The following CCBE1 variants were observed in gnomAD, a reference collection of about 807,000 sequenced individuals.
CCBE1 encodes collagen and calcium-binding EGF domain-containing protein 1.
A neutral mutation model predicts 50.0 loss-of-function variants in CCBE1; 37 were observed. The observed-to-expected ratio is 0.74, with a 90% CI of 0.57 to 0.97. The LOEUF (loss-of-function observed/expected upper bound fraction) is 0.97. CCBE1 is among the 50% of genes least tolerant of loss of function. The pLI is 0.00. For synonymous variants in CCBE1, 234 were observed against 203.7 expected (o/e 1.15, Z -1.27); for missense variants, 538 against 523.8 (o/e 1.03, Z -0.26).
intron 2 of CCBE1, among the ~76,000 whole-genome samples, chr18:59,577,843 A>C (rs562968987): frequency 7.9e-5 from 12 of 152,348 alleles, no homozygotes; most frequent in African/African-American, 2.9e-4. Flanking sequence ...CATAAGGCCC[A>C]AAACCATAAA....
intron 2 of CCBE1, among the ~76,000 whole-genome samples, chr18:59,693,622 C>T (rs955281202): frequency 3.9e-5 from 6 of 152,180 alleles, no homozygotes; most frequent in Non-Finnish European, 1.5e-5. Context: ...TACACCATTG[C>T]TTATTGCTCA....
At chr18:59,461,957 C>A (rs1911504484) in intron 5 of CCBE1, among the ~76,000 whole-genome samples, 3 of 152,102 alleles carry the variant, frequency 2.0e-5, no homozygotes. Flanking sequence ...TGGTCTTGAA[C>A]TTCTGACCTC....
chr18:59,543,390 C>G (rs867636899), intron 2 of CCBE1, among the ~76,000 whole-genome samples: 1 of 152,110 alleles, frequency 6.6e-6, no homozygotes, highest in Non-Finnish European at 1.5e-5. Flanking sequence ...CAGAAAAAGA[C>G]TTAAAATTTT....
chr18:59,435,721 T>C lies in CCBE1; in HGVS notation c.*187A>G. The C allele has an allele frequency of 1.5e-6, 1 of 666,952 alleles. No individual in the cohort carries two copies. Among genetic ancestry groups the C allele is most frequent in the East Asian group, 2.6e-5 (1 of 38,958 alleles). The allele number at this position is 666,952 out of a possible 1,614,324, so 41.3% of individuals were successfully genotyped here. On this transcript the variant is annotated 3_prime_UTR_variant, in exon 11 of 11. Transcript: ENST00000439986. ...AATCAATCATTCACTCCCTCATGTC[T>C]GCAGGCCTAGGAGGGGACTCTGAAA... is the stretch of plus-strand genomic sequence containing the variant.
At chr18:59,576,450 A>G (rs190732382) in intron 2 of CCBE1, among the ~76,000 whole-genome samples, 48 of 152,338 alleles carry the variant, frequency 3.2e-4, no homozygotes, top group African/African-American at 1.1e-3. Context: ...TTTTGTCAAT[A>G]AACAGCTTTA....
At chr18:59,509,709 G>A (rs1914046175) in intron 2 of CCBE1, among the ~76,000 whole-genome samples, 1 of 152,168 alleles carries the variant, frequency 6.6e-6, no homozygotes, top group Non-Finnish European at 1.5e-5. Flanking sequence ...TCTTCATACA[G>A]GAGGGAACTG....
chr18:59,594,082 C>A (rs937103185), intron 2 of CCBE1, among the ~76,000 whole-genome samples: 15 of 152,232 alleles, frequency 9.9e-5, no homozygotes, highest in African/African-American at 3.4e-4. Flanking sequence ...GCCAAGGCAG[C>A]TTCATGAAAA....
intron 2 of CCBE1, among the ~76,000 whole-genome samples, chr18:59,516,711 A>C (rs1914389394): frequency 6.6e-6 from 1 of 152,164 alleles, no homozygotes; most frequent in African/African-American, 2.4e-5. Context: ...GGTTTTTACA[A>C]CATGACCTAG....
chr18:59,439,464 C>CA, intron 9 of CCBE1, 79 bp downstream of exon 9: 2 of 1,572,786 alleles, frequency 1.3e-6, no homozygotes, highest in Non-Finnish European at 1.7e-6. Flanking sequence ...AAGACCATCT[C>CA]AAAAAACAAA....
In CCBE1 at chr18:59,660,009, T is replaced by C. The variant is rs139111194; in HGVS notation, c.212+36620A>G. On this transcript the variant is annotated intron_variant, in intron 2 of 10. Coordinates refer to ENST00000439986, the MANE Select transcript of CCBE1 (RefSeq NM_133459.4). Reference sequence around the variant, plus strand: ...CTAAAGCCGGGTCACAGACAATGCGTGAGTTTGTTGGAGCTCATGTGTAGT... The same window carrying C: ...CTAAAGCCGGGTCACAGACAATGCGCGAGTTTGTTGGAGCTCATGTGTAGT... 9.8e-4 allele frequency among the ~76,000 whole-genome samples: 149 copies of C among 152,332 alleles called. 2 individuals are homozygous for C. In the South Asian group the frequency reaches 0.021, roughly 22 times the overall value.
chr18:59,623,093 G>A (rs1599073421), intron 2 of CCBE1, among the ~76,000 whole-genome samples: 2 of 152,178 alleles, frequency 1.3e-5, no homozygotes, highest in East Asian at 3.8e-4. Flanking sequence ...GGCACAGAAT[G>A]TTGGTAGTGA....
At chr18:59,534,127 T>C (rs1915154432) in intron 2 of CCBE1, among the ~76,000 whole-genome samples, 1 of 152,194 alleles carries the variant, frequency 6.6e-6, no homozygotes, top group African/African-American at 2.4e-5. Context: ...ACTAAGATGT[T>C]GGCTAATGAT....
At chr18:59,615,568 C>T (rs1450395917) in intron 2 of CCBE1, among the ~76,000 whole-genome samples, 1 of 151,912 alleles carries the variant, frequency 6.6e-6, no homozygotes, top group East Asian at 1.9e-4. Context: ...TTTGATCACA[C>T]TATACTACAG....
intron 2 of CCBE1, among the ~76,000 whole-genome samples, chr18:59,625,299 T>C (rs2005277): frequency 0.56 from 85,416 of 151,612 alleles, 25,926 homozygotes; most frequent in African/African-American, 0.79. Context: ...GGTGTGGTGG[T>C]GGGCGCCTGT....
intron 2 of CCBE1, among the ~76,000 whole-genome samples, chr18:59,531,144 CAG>C (rs1380556699): frequency 6.6e-6 from 1 of 152,072 alleles, no homozygotes; most frequent in Non-Finnish European, 1.5e-5. Flanking sequence ...CAATGGATCA[CAG>C]AGTGAGCTGA....
intron 2 of CCBE1, among the ~76,000 whole-genome samples, chr18:59,505,860 A>C (rs1028959299): frequency 6.6e-6 from 1 of 152,226 alleles, no homozygotes; most frequent in Non-Finnish European, 1.5e-5. Context: ...TCAGAATCTT[A>C]AACAGAAATA....
intron 4 of CCBE1, 114 bp from the exon 5 acceptor site, chr18:59,467,005 C>T: frequency 1.1e-6 from 1 of 923,914 alleles, no homozygotes; most frequent in Non-Finnish European, 1.7e-6. Context: ...CTTGGGCCGA[C>T]CTTGATCAGA....
intron 2 of CCBE1, among the ~76,000 whole-genome samples, chr18:59,646,818 T>C (rs1164836421): frequency 6.6e-6 from 1 of 152,180 alleles, no homozygotes; most frequent in Non-Finnish European, 1.5e-5. Context: ...GTTTTAACCA[T>C]CAGCCAAACT....
intron 2 of CCBE1, among the ~76,000 whole-genome samples, chr18:59,683,697 C>CAA (rs35608288): frequency 2.0e-5 from 3 of 151,096 alleles, no homozygotes; most frequent in Admixed American, 6.6e-5. Flanking sequence ...GACTCCATCT[C>CAA]AAAAAAAGAG....
Sources: allele counts gnomAD v4.1 joint callset (sites outside exome capture counted in the v4.1 genomes callset), GRCh38; gene constraint gnomAD v4.1.1; transcripts MANE v1.5; gene names NCBI Gene and HGNC (gene_info 2026-07-23, HGNC 2026-07-21).